PPP2R2D: variants seen among roughly 807,000 people sequenced by gnomAD.
PPP2R2D encodes protein phosphatase 2 regulatory subunit Bdelta.
In PPP2R2D, 9 loss-of-function variants were observed where a neutral mutation model predicts 31.1. The observed-to-expected ratio is 0.29, with a 90% CI of 0.17 to 0.51. The LOEUF is 0.51. Ranked by LOEUF, PPP2R2D falls within the 20% of genes least tolerant of loss-of-function variation. PPP2R2D has a pLI of 0.98. For synonymous variants in PPP2R2D, 179 were observed against 172.6 expected, an observed-to-expected ratio of 1.04 and a Z score of -0.29; for missense variants, 391 against 465.6, an observed-to-expected ratio of 0.84 and a Z score of 1.48.
At chr10:131,971,128 G>A in the PPP2R2D span, 1 of 684,656 alleles carries the variant, frequency 1.5e-6, no homozygotes, top group Non-Finnish European at 2.4e-6. Flanking sequence ...TCCTGGGGCT[G>A]GGGGCCTTCC....
At chr10:131,929,246 CTGGGCAGGCTGGAAATGTTATCATGGGAA>C (rs1437033670) in intron 2 of PPP2R2D, among the ~76,000 whole-genome samples, 2 of 152,210 alleles carry the variant, frequency 1.3e-5, no homozygotes, top group Non-Finnish European at 2.9e-5. Context: ...CTCCCAGCCA[CTGGGCAGGCTGGAAATGTTATCATGGGAA>C]TGGGCAGGCT....
chr10:131,903,741 A>G (rs995449692), intron 2 of PPP2R2D, among the ~76,000 whole-genome samples: 1 of 152,182 alleles, frequency 6.6e-6, no homozygotes, highest in Non-Finnish European at 1.5e-5. Context: ...TTTATAAGTC[A>G]CCATCGATTT....
intron 2 of PPP2R2D, 73 bp downstream of exon 2, chr10:131,901,403 G>A (rs2035491922): frequency 5.8e-6 from 2 of 344,022 alleles, no homozygotes; most frequent in South Asian, 2.7e-4. Context: ...CGGCCTCCGG[G>A]CCCCAAGCGT....
At chr10:131,928,578 C>A (rs969845899) in intron 2 of PPP2R2D, among the ~76,000 whole-genome samples, 1 of 152,170 alleles carries the variant, frequency 6.6e-6, no homozygotes, top group Non-Finnish European at 1.5e-5. Context: ...AGCTTCCTCC[C>A]GCTGCTTTCT....
chr10:131,910,149 G>A (rs1365886399), intron 2 of PPP2R2D, among the ~76,000 whole-genome samples: 1 of 152,258 alleles, frequency 6.6e-6, no homozygotes, highest in Middle Eastern at 3.4e-3. Flanking sequence ...TGAGTGTGCC[G>A]GCCTTTCGGA....
At chr10:131,971,330 A>G in the PPP2R2D span, 1,190 of 267,416 alleles carry the variant, frequency 4.4e-3, 5 homozygotes, top group Middle Eastern at 0.015. Context: ...AGCACTGGTT[A>G]TAAGAAAAGA....
At chr10:131,930,976 C>T (rs1033486876) in intron 2 of PPP2R2D, among the ~76,000 whole-genome samples, 3 of 152,154 alleles carry the variant, frequency 2.0e-5, no homozygotes, top group Non-Finnish European at 4.4e-5. Flanking sequence ...GCACTTTCTC[C>T]TCCTCTTTCC....
intron 2 of PPP2R2D, among the ~76,000 whole-genome samples, chr10:131,921,557 T>G (rs2119817077): frequency 1.3e-5 from 2 of 152,168 alleles, no homozygotes; most frequent in South Asian, 4.2e-4. Context: ...AAGAACAGGC[T>G]GGGGCAATGG....
chr10:131,946,185 C>T (rs536295039), intron 7 of PPP2R2D, among the ~76,000 whole-genome samples: 1 of 152,366 alleles, frequency 6.6e-6, no homozygotes, highest in South Asian at 2.1e-4. Context: ...CTTCCCTTAG[C>T]TGAAAGTCTA....
chr10:131,910,994 A>C (rs1196858253), intron 2 of PPP2R2D, among the ~76,000 whole-genome samples: 5 of 152,186 alleles, frequency 3.3e-5, no homozygotes, highest in African/African-American at 1.2e-4. Flanking sequence ...CGCCCTGTGC[A>C]TCACCTCAGT....
Position 131,957,338 on chromosome 10 carries a change from GGT to G in PPP2R2D, c.*1381_*1382del. On this transcript the variant is annotated 3_prime_UTR_variant, in exon 9 of 9. Coordinates refer to ENST00000455566, the MANE Select transcript of PPP2R2D (RefSeq NM_018461.5). ...TTGCCTGTGCCCCTGTGGAGAAGGAGGTGTGTGCTGATCCCCTGTGCCCTGTG... is the reference window on the plus strand; with the variant it reads ...TTGCCTGTGCCCCTGTGGAGAAGGAGGTGTGCTGATCCCCTGTGCCCTGTG... The G allele has an allele frequency of 5.2e-6, 1 of 191,874 alleles. No homozygotes were observed. Among genetic ancestry groups the G allele is most frequent in the Non-Finnish European group, 1.1e-5 (1 of 91,680 alleles). The allele number at this position is 191,874 out of a possible 1,614,324, so 11.9% of individuals were successfully genotyped here.
At position 131,945,282 on chromosome 10, in the gene PPP2R2D, C is replaced by G. The variant is rs782508839; in HGVS notation, c.656-13C>G. On this transcript the variant is annotated splice_polypyrimidine_tract_variant and intron_variant, in intron 6 of 8. Transcript: ENST00000455566. The surrounding 1 kb of genome is among the most constrained non-coding windows in gnomAD (Gnocchi z 4.8). ...GCTGAGCTGAGCACTGTGCCTTAAC[C>G]ATGCACTCCCAGACATCGTGGACAT... 6 of 1,610,186 alleles carry G rather than the reference C, an allele frequency of 3.7e-6. No homozygotes were observed. In the Admixed American group the frequency reaches 8.4e-5, roughly 22 times the overall value.
intron 3 of PPP2R2D, among the ~76,000 whole-genome samples, chr10:131,938,614 C>T (rs571607628): frequency 6.6e-6 from 1 of 152,334 alleles, no homozygotes; most frequent in Admixed American, 6.5e-5. Context: ...CATATGTCTT[C>T]CCAAGCATGT....
chr10:131,904,053 A>T (rs879082700), intron 2 of PPP2R2D, among the ~76,000 whole-genome samples: 22,692 of 152,064 alleles, frequency 0.15, 1,888 homozygotes, highest in African/African-American at 0.21. Context: ...AAAATACAAA[A>T]ATTAGCCAGG....
intron 2 of PPP2R2D, chr10:131,911,976 C>G (rs1042042064): frequency 6.6e-6 from 1 of 152,196 alleles, no homozygotes; most frequent in African/African-American, 2.4e-5. Context: ...GCGGAAGTTC[C>G]TCTTCATCCC....
At position 131,953,103 on chromosome 10, in the gene PPP2R2D, C is replaced by T. The variant is rs1297479035; in HGVS notation, c.1083-2581C>T. Among the ~76,000 whole-genome samples the T allele has an allele frequency of 3.8e-4, 36 of 95,786 alleles. 1 individual carries two copies. The highest frequency in any genetic ancestry group is 6.7e-4 in the Non-Finnish European group (34 of 50,430). 62.8% of individuals were successfully genotyped at this position (95,786 alleles called of 152,430 possible). A position where few individuals can be genotyped will look rare whatever the true frequency, so the allele number is the denominator to read the frequency against. Reference sequence around the variant, plus strand: ...GGGAGGTTCACTGTCTTAGCAGTGACTTGCGGGGGTTCCCTGTCTTAGCAG... The same window carrying T: ...GGGAGGTTCACTGTCTTAGCAGTGATTTGCGGGGGTTCCCTGTCTTAGCAG... On this transcript the variant is annotated intron_variant, in intron 8 of 8. Transcript: ENST00000455566.
rs879953265 is a variant in PPP2R2D, at chr10:131,945,659, C to T, written c.820+200C>T. ...ATTTTTAGTACAGACAGGGTTTCAC[C>T]ATGTTGACCAGACTGGTCTGACCTC... On this transcript the variant is annotated intron_variant, in intron 7 of 8. Transcript: ENST00000455566. This position sits in a 1 kb window ranked among gnomAD's most constrained non-coding sequence, Gnocchi z 4.8. 8.2e-5 allele frequency: 50 copies of T among 612,524 alleles called. 1 individual carries two copies. The highest frequency in any genetic ancestry group is 3.9e-4 in the Admixed American group (12 of 30,784). 37.9% of individuals were successfully genotyped at this position (612,524 alleles called of 1,614,324 possible). A position where few individuals can be genotyped will look rare whatever the true frequency, so the allele number is the denominator to read the frequency against.
rs1355122727 is a variant in PPP2R2D, at chr10:131,958,115, T to G, written c.*2152T>G. The stretch of plus-strand genomic sequence containing the variant: ...CCCCGTCCCCCTGTGGAGATGAAGG[T>G]GTGTGCTGATCCCCGTCCCCCTGTG... On this transcript the variant is annotated 3_prime_UTR_variant, in exon 9 of 9. Coordinates refer to ENST00000455566, the MANE Select transcript of PPP2R2D (RefSeq NM_018461.5). 55 of 101,768 alleles carry G rather than the reference T, an allele frequency of 5.4e-4. No homozygotes were observed. Among genetic ancestry groups the G allele is most frequent in the African/African-American group, 7.9e-4 (18 of 22,742 alleles). The allele number at this position is 101,768 out of a possible 1,614,324, so 6.3% of individuals were successfully genotyped here. A position where few individuals can be genotyped will look rare whatever the true frequency, so the allele number is the denominator to read the frequency against.
chr10:131,970,515 T>C, the PPP2R2D span: 1 of 1,368,296 alleles, frequency 7.3e-7, no homozygotes, highest in African/African-American at 1.5e-5. This position sits in a 1 kb window ranked among gnomAD's most constrained non-coding sequence, Gnocchi z 4.1. Context: ...TGGGTGTTTG[T>C]GAAAATGCAC....
Sources: gnomAD v4.1 joint callset for allele counts (sites outside exome capture counted in the v4.1 genomes callset) on GRCh38, gnomAD v4.1.1 for gene constraint, Gnocchi (gnomAD v3.1) non-coding constraint, MANE v1.5 for transcripts, NCBI Gene and HGNC (gene_info 2026-07-23, HGNC 2026-07-21) for gene names.